CLDN14: variants seen among roughly 807,000 people sequenced by gnomAD.
The protein encoded by CLDN14 is claudin-14.
In CLDN14, 2 loss-of-function variants were observed where a neutral mutation model predicts 2.1. The ratio of observed to expected loss-of-function variants is 0.96; its 90% confidence interval spans 0.39 to 3.01. CLDN14 has a LOEUF of 3.01. Among genes scored for constraint, CLDN14 ranks in the 30% most tolerant of loss-of-function variants. CLDN14 has a pLI of 0.09. For synonymous variants in CLDN14, 136 were observed against 154.4 expected (o/e 0.88, Z 0.88); for missense variants, 298 against 328.0 (o/e 0.91, Z 0.71).
intron 2 of CLDN14, among the ~76,000 whole-genome samples, chr21:36,503,357 A>G (rs903131651): frequency 7.9e-5 from 12 of 152,170 alleles, no homozygotes; most frequent in African/African-American, 2.9e-4. Context: ...CCCAGCTAAT[A>G]TGGTTTGGTT....
chr21:36,574,793 T>C (rs1044318345), intron 1 of CLDN14, among the ~76,000 whole-genome samples: 2 of 152,202 alleles, frequency 1.3e-5, no homozygotes, highest in Admixed American at 6.5e-5. Context: ...CAGAGAACCA[T>C]CTTTTCCATT....
In CLDN14 at chr21:36,498,888, G is replaced by A. The variant is rs1254576731; in HGVS notation, c.-82+11475C>T. Reference sequence around the variant, plus strand: ...CCAAGGCTTGATTCCTGCCTGAGGTGCCAGGAACCTGTCCCTTTCTTCTAG... The same window carrying A: ...CCAAGGCTTGATTCCTGCCTGAGGTACCAGGAACCTGTCCCTTTCTTCTAG... On this transcript the variant is annotated intron_variant, in intron 2 of 2. Transcript: ENST00000342108. The surrounding 1 kb of genome is among the most constrained non-coding windows in gnomAD (Gnocchi z 4.9). 1.3e-5 allele frequency among the ~76,000 whole-genome samples: 2 copies of A among 152,138 alleles called. No homozygotes were observed. The highest frequency in any genetic ancestry group is 2.4e-5 in the African/African-American group (1 of 41,444).
rs565387130 is a variant in CLDN14, at chr21:36,544,137, C to T, written c.-220+32274G>A. ...CCAGAAGCCACACCAGCCCTTGGCT[C>T]CCTCCAACCCAGGTTTCCATTACCA... On this transcript the variant is annotated intron_variant, in intron 1 of 2. Coordinates refer to the CLDN14 transcript ENST00000342108. The surrounding 1 kb of genome is among the most constrained non-coding windows in gnomAD (Gnocchi z 4.1). Among the ~76,000 whole-genome samples the T allele has an allele frequency of 6.6e-6, 1 of 152,350 alleles. No individual in the cohort carries two copies. Among genetic ancestry groups the T allele is most frequent in the African/African-American group, 2.4e-5 (1 of 41,576 alleles).
intron 1 of CLDN14, among the ~76,000 whole-genome samples, chr21:36,547,535 A>G (rs980713654): frequency 6.6e-6 from 1 of 152,196 alleles, no homozygotes; most frequent in African/African-American, 2.4e-5. Flanking sequence ...CGCCCGGGCC[A>G]TTAAGGGAAT....
intron 1 of CLDN14, among the ~76,000 whole-genome samples, chr21:36,575,896 T>C (rs2087738322): frequency 6.6e-6 from 1 of 152,220 alleles, no homozygotes; most frequent in South Asian, 2.1e-4. Flanking sequence ...AGTTTGTTAA[T>C]GGAGACTGTA....
At chr21:36,529,515 G>C (rs2146500075) in intron 1 of CLDN14, among the ~76,000 whole-genome samples, 1 of 152,240 alleles carries the variant, frequency 6.6e-6, no homozygotes, top group African/African-American at 2.4e-5. Flanking sequence ...CTGACCTCAA[G>C]TGATCTGCCA....
intron 1 of CLDN14, among the ~76,000 whole-genome samples, chr21:36,572,851 G>T (rs1232477995): frequency 6.6e-6 from 1 of 152,110 alleles, no homozygotes; most frequent in East Asian, 1.9e-4. Context: ...TCAGTTCCTG[G>T]TATATAGTAG....
chr21:36,470,935 C>T (rs2086703323), intron 1 of CLDN14, among the ~76,000 whole-genome samples: 1 of 152,204 alleles, frequency 6.6e-6, no homozygotes. Flanking sequence ...GAGATTGTGC[C>T]ACTGCACTCC....
At chr21:36,527,035 C>A (rs1179283995) in intron 1 of CLDN14, among the ~76,000 whole-genome samples, 1 of 152,196 alleles carries the variant, frequency 6.6e-6, no homozygotes, top group East Asian at 1.9e-4. Flanking sequence ...CTACAGAGAT[C>A]ATGCCCCCCA....
At chr21:36,560,123 A>G (rs1050474282) in intron 1 of CLDN14, among the ~76,000 whole-genome samples, 1 of 152,214 alleles carries the variant, frequency 6.6e-6, no homozygotes, top group Non-Finnish European at 1.5e-5. Context: ...ATTGTGAACA[A>G]TTTAAACAGG....
intron 1 of CLDN14, among the ~76,000 whole-genome samples, chr21:36,530,936 T>C (rs2087374471): frequency 6.6e-6 from 1 of 152,132 alleles, no homozygotes; most frequent in African/African-American, 2.4e-5. Flanking sequence ...AAGCAACATT[T>C]AAAATAATGT....
intron 1 of CLDN14, among the ~76,000 whole-genome samples, chr21:36,538,947 C>A (rs2087455670): frequency 6.6e-6 from 1 of 152,202 alleles, no homozygotes; most frequent in African/African-American, 2.4e-5. Context: ...CGCGCCCCTG[C>A]CCGGCACACC....
chr21:36,463,141 G>A (rs1002660286), intron 1 of CLDN14, among the ~76,000 whole-genome samples: 1 of 152,180 alleles, frequency 6.6e-6, no homozygotes, highest in African/African-American at 2.4e-5. Flanking sequence ...GGTAATCAGC[G>A]AGACCGGGCA....
intron 1 of CLDN14, among the ~76,000 whole-genome samples, chr21:36,512,259 A>G (rs2087192604): frequency 6.6e-6 from 1 of 152,166 alleles, no homozygotes; most frequent in Admixed American, 6.5e-5. Context: ...AAACTGATGG[A>G]AGAGTGACAA....
chr21:36,517,330 T>C (rs1321429178), intron 1 of CLDN14, among the ~76,000 whole-genome samples: 2 of 152,230 alleles, frequency 1.3e-5, no homozygotes, highest in African/African-American at 4.8e-5. Context: ...ACAAAGGCCA[T>C]AGAGTCCCAA....
intron 1 of CLDN14, among the ~76,000 whole-genome samples, chr21:36,473,518 A>G (rs1471977199): frequency 6.6e-6 from 1 of 152,262 alleles, no homozygotes; most frequent in African/African-American, 2.4e-5. Context: ...ACTGATACAG[A>G]GGATGAAGGG....
chr21:36,546,494 C>T (rs936703659), intron 1 of CLDN14, among the ~76,000 whole-genome samples: 1 of 152,142 alleles, frequency 6.6e-6, no homozygotes, highest in Non-Finnish European at 1.5e-5. Context: ...TTCAAATCCA[C>T]CCCTAGCAAA....
rs2087059302 is a variant in CLDN14 at position 36,498,379 on chromosome 21, C to A, written c.-82+11984G>T. On this transcript the variant is annotated intron_variant, in intron 2 of 2. Coordinates refer to the CLDN14 transcript ENST00000342108. The surrounding 1 kb of genome is among the most constrained non-coding windows in gnomAD (Gnocchi z 4.9). ...AGTAAAATAATAATACTAATAATGC[C>A]TTTTCTCTGGTCCTGGAAGATCTAT... is the stretch of plus-strand genomic sequence containing the variant. Among the ~76,000 whole-genome samples, 1 of 152,124 alleles carries A rather than the reference C, an allele frequency of 6.6e-6. No homozygotes were observed. The highest frequency in any genetic ancestry group is 6.6e-5 in the Admixed American group (1 of 15,258).
intron 1 of CLDN14, chr21:36,477,680 A>C (rs73204262): frequency 6.6e-6 from 1 of 152,234 alleles, no homozygotes; most frequent in South Asian, 2.1e-4. Flanking sequence ...GAAGTGGACA[A>C]AGTGAGTGAA....
Sources: allele counts gnomAD v4.1 joint callset (sites outside exome capture counted in the v4.1 genomes callset), GRCh38; gene constraint gnomAD v4.1.1; non-coding constraint Gnocchi (gnomAD v3.1); transcripts MANE v1.5; gene names NCBI Gene and HGNC (gene_info 2026-07-23, HGNC 2026-07-21).